The following RAE1 variants were observed in gnomAD, a reference collection of about 807,000 sequenced individuals.
The protein encoded by RAE1 is mRNA export factor RAE1.
RAE1 carries 13 observed loss-of-function variants against 52.7 expected under a neutral mutation model. The ratio of observed to expected loss-of-function variants is 0.25; its 90% CI spans 0.16 to 0.39. The LOEUF (loss-of-function observed/expected upper bound fraction) is 0.39, where lower values mean the gene tolerates loss of function less well. Among genes scored for constraint, RAE1 ranks in the 10% least tolerant of loss-of-function variants. The pLI is 1.00. For synonymous variants in RAE1, 164 were observed against 153.1 expected, an observed-to-expected ratio of 1.07 and a Z score of -0.52; for missense variants, 262 against 459.8, an observed-to-expected ratio of 0.57 and a Z score of 3.93.
rs781213410 is a variant in RAE1, at chr20:57,359,151, T to G, written c.288+2613T>G. ...CAGATAGTGCCTCTAATACTGGTAA[T>G]GCTAGAGGTGATGTTTTTGGTAAAC... On this transcript the variant is annotated intron_variant, in intron 4 of 11. Transcript: ENST00000395841. 554 of 613,002 alleles carry G rather than the reference T, an allele frequency of 9.0e-4. 2 individuals carry two copies. The highest frequency in any genetic ancestry group is 1.2e-4 in the Non-Finnish European group (48 of 409,064). The allele number at this position is 613,002 out of a possible 1,614,324, so 38.0% of individuals were successfully genotyped here. A position where few individuals can be genotyped will look rare whatever the true frequency, so the allele number is the denominator to read the frequency against.
chr20:57,358,846 G>A, intron 4 of RAE1: 1 of 611,200 alleles, frequency 1.6e-6, no homozygotes, highest in African/African-American at 1.9e-5. Context: ...ATTATGCTCC[G>A]AGGTCACCCC....
Position 57,378,236 on chromosome 20 carries a change from C to A in RAE1, c.*137C>A. ...CCCTGGAGAAAACGATGTCATTGTT[C>A]AGCAGCTGAGAGCCCAGGCGTCCGC... On this transcript the variant is annotated 3_prime_UTR_variant, in exon 12 of 12. Transcript: ENST00000395841. 1.4e-6 allele frequency: 1 copy of A among 722,192 alleles called. No homozygotes were observed. The highest frequency in any genetic ancestry group is 2.1e-5 in the South Asian group (1 of 47,808). 44.7% of individuals were successfully genotyped at this position (722,192 alleles called of 1,614,324 possible).
intron 8 of RAE1, among the ~76,000 whole-genome samples, chr20:57,370,034 T>C (rs966792166): frequency 3.3e-5 from 5 of 152,094 alleles, no homozygotes; most frequent in Non-Finnish European, 1.5e-5. Flanking sequence ...GTAGTACTTC[T>C]CCCTTAGCAC....
At chr20:57,362,096 C>G (rs1228207320) in intron 4 of RAE1, among the ~76,000 whole-genome samples, 1 of 152,206 alleles carries the variant, frequency 6.6e-6, no homozygotes, top group African/African-American at 2.4e-5. Context: ...ATCCTGAAAC[C>G]ATACCCTCAC....
intron 10 of RAE1, 80 bp downstream of exon 10, chr20:57,373,818 A>T: frequency 1.4e-6 from 2 of 1,412,870 alleles, no homozygotes; most frequent in Non-Finnish European, 2.0e-6. Flanking sequence ...TGGGATCAGA[A>T]AAGACTCATC....
intron 1 of RAE1, among the ~76,000 whole-genome samples, chr20:57,352,231 G>T (rs1426179916): frequency 6.6e-6 from 1 of 152,210 alleles, no homozygotes; most frequent in East Asian, 1.9e-4. Context: ...ATGCAGTTGC[G>T]TAAACATGGC....
At chr20:57,365,803 C>T (rs1473487122) in intron 5 of RAE1, among the ~76,000 whole-genome samples, 1 of 152,204 alleles carries the variant, frequency 6.6e-6, no homozygotes, top group East Asian at 1.9e-4. Flanking sequence ...CATTTGGTCA[C>T]TTACTCATTC....
At chr20:57,375,491 C>T (rs1239446724) in intron 11 of RAE1, among the ~76,000 whole-genome samples, 4 of 152,062 alleles carry the variant, frequency 2.6e-5, no homozygotes, top group South Asian at 2.1e-4. Context: ...GTGTCTTTCC[C>T]GCTCACCTCA....
intron 8 of RAE1, among the ~76,000 whole-genome samples, chr20:57,369,671 C>T (rs1436049217): frequency 6.6e-6 from 1 of 152,216 alleles, no homozygotes; most frequent in Non-Finnish European, 1.5e-5. Context: ...AACTTCAACT[C>T]TGTCTGCATC....
intron 1 of RAE1, among the ~76,000 whole-genome samples, chr20:57,353,500 A>G (rs2146124333): frequency 6.6e-6 from 1 of 152,346 alleles, no homozygotes; most frequent in South Asian, 2.1e-4. Context: ...AACTTTTACG[A>G]AGAAATTGCT....
At position 57,366,965 on chromosome 20, in the gene RAE1, T is replaced by C. The variant is rs761361619; in HGVS notation, c.463-43T>C. On this transcript the variant is annotated intron_variant, in intron 6 of 11. Coordinates refer to ENST00000395841, the MANE Select transcript of RAE1 (RefSeq NM_003610.4). ...TTTATTTTTGCACCATTTCGACTTC[T>C]GCTCTGAATGGTCACATACTGGCTT... 5.1e-6 allele frequency: 8 copies of C among 1,584,036 alleles called. No homozygotes were observed. The Admixed American group carries it at 1.3e-4, about 26-fold the overall frequency.
intron 8 of RAE1, 115 bp downstream of exon 8, chr20:57,368,927 G>T (rs1169908192): frequency 2.2e-5 from 18 of 814,834 alleles, no homozygotes; most frequent in Admixed American, 4.5e-5. Flanking sequence ...TTCAAAGAGG[G>T]GTGAATTGAA....
Position 57,365,424 on chromosome 20 carries a change from A to G in RAE1, c.357A>G (p.Gln119=). ...AAATGTGGGACCTCAGCAGTAACCA[A>G]GCGATACAGATCGCACAGGTAACAG... ...TAKMWDLSSN[Q]AIQIAQHDAP... Residue 119 remains glutamine, a synonymous_variant, in exon 5 of 12, where the codon CAA becomes CAG. Coordinates refer to ENST00000395841, the MANE Select transcript of RAE1 (RefSeq NM_003610.4). The G allele has an allele frequency of 6.2e-7, 1 of 1,608,508 alleles. No individual in the cohort carries two copies. The highest frequency in any genetic ancestry group is 8.5e-7 in the Non-Finnish European group (1 of 1,176,332).
chr20:57,367,203 T>C, intron 7 of RAE1, 124 bp downstream of exon 7: 1 of 854,624 alleles, frequency 1.2e-6, no homozygotes, highest in Non-Finnish European at 1.8e-6. Flanking sequence ...TAGTAATAGA[T>C]ATAAAGGATC....
chr20:57,376,306 T>A (rs1015722966), intron 11 of RAE1, among the ~76,000 whole-genome samples: 2 of 152,254 alleles, frequency 1.3e-5, no homozygotes, highest in African/African-American at 4.8e-5. Context: ...GTGTACAATT[T>A]GATCAGTTTC....
intron 4 of RAE1, among the ~76,000 whole-genome samples, chr20:57,365,037 T>G (rs2066935766): frequency 6.6e-6 from 1 of 152,166 alleles, no homozygotes; most frequent in Non-Finnish European, 1.5e-5. Context: ...GAAAAAAATT[T>G]TAAAGTGGTC....
chr20:57,366,386 A>G, intron 5 of RAE1, among the ~76,000 whole-genome samples: 1 of 152,208 alleles, frequency 6.6e-6, no homozygotes, highest in Non-Finnish European at 1.5e-5. Context: ...TGGTGCCGGC[A>G]TCTGCTCGGC....
intron 1 of RAE1, among the ~76,000 whole-genome samples, chr20:57,353,479 G>A (rs369316864): frequency 1.5e-4 from 23 of 152,314 alleles, no homozygotes; most frequent in Admixed American, 1.3e-3. Flanking sequence ...CACGATGCCC[G>A]ACCTTTTTAA....
intron 4 of RAE1, among the ~76,000 whole-genome samples, chr20:57,361,780 A>G (rs545595495): frequency 6.6e-6 from 1 of 152,144 alleles, no homozygotes; most frequent in South Asian, 2.1e-4. Flanking sequence ...ATCCATCAAG[A>G]TGTCTTATTT....
Sources: allele counts gnomAD v4.1 joint callset (sites outside exome capture counted in the v4.1 genomes callset), GRCh38; gene constraint gnomAD v4.1.1; transcripts MANE v1.5; gene names NCBI Gene and HGNC (gene_info 2026-07-23, HGNC 2026-07-21).